Variants in C12orf42 observed in about 807,000 individuals in gnomAD.
C12orf42 encodes chromosome 12 open reading frame 42.
C12orf42 carries 25 observed loss-of-function variants against 21.6 expected under a neutral mutation model. That is an observed-to-expected ratio of 1.16 (90% CI 0.84 to 1.62). The LOEUF (loss-of-function observed/expected upper bound fraction) is 1.62, where lower values mean the gene tolerates loss of function less well. C12orf42 is among the 40% of genes most tolerant of loss of function. The probability of loss-of-function intolerance (pLI) is 0.00; values close to 1 mark genes in which losing one functional copy is unlikely to be tolerated. For missense variants in C12orf42, 483 were observed against 459.3 expected, an observed-to-expected ratio of 1.05 and a Z score of -0.47; for synonymous variants, 174 against 175.0, an observed-to-expected ratio of 0.99 and a Z score of 0.05.
chr12:103,088,969 G>C, the C12orf42 span, among the ~76,000 whole-genome samples: 1 of 152,040 alleles, frequency 6.6e-6, no homozygotes, highest in African/African-American at 2.4e-5. Context: ...CGGGCGTGGT[G>C]GTGGCGCCTG....
the C12orf42 span, among the ~76,000 whole-genome samples, chr12:103,056,247 C>T: frequency 6.6e-6 from 1 of 152,084 alleles, no homozygotes; most frequent in Non-Finnish European, 1.5e-5. Flanking sequence ...TTTAGGCTTG[C>T]TATGCCATCT....
At chr12:103,394,977 A>C (rs2047392919) in intron 3 of C12orf42, among the ~76,000 whole-genome samples, 1 of 152,264 alleles carries the variant, frequency 6.6e-6, no homozygotes, top group Non-Finnish European at 1.5e-5. Context: ...GAGTGCCTCC[A>C]GTACCTGCAA....
intron 2 of C12orf42, among the ~76,000 whole-genome samples, chr12:103,433,790 C>A (rs561429862): frequency 1.3e-5 from 2 of 152,214 alleles, no homozygotes; most frequent in Non-Finnish European, 2.9e-5. Flanking sequence ...ATGTTTGAGA[C>A]AATCTTGGAA....
chr12:103,427,733 A>G (rs1481042979), intron 2 of C12orf42, among the ~76,000 whole-genome samples: 2 of 152,204 alleles, frequency 1.3e-5, no homozygotes, highest in Non-Finnish European at 2.9e-5. Flanking sequence ...TGGAAGTAAA[A>G]CACTCTTCAG....
At chr12:103,349,428 A>G (rs1325387656) in intron 4 of C12orf42, 1 of 152,204 alleles carries the variant, frequency 6.6e-6, no homozygotes, top group Non-Finnish European at 1.5e-5. Flanking sequence ...TAGAAAGAGT[A>G]ACTGAAATCC....
At chr12:103,109,858 T>C in the C12orf42 span, among the ~76,000 whole-genome samples, 102 of 152,144 alleles carry the variant, frequency 6.7e-4, no homozygotes, top group African/African-American at 2.4e-3. Flanking sequence ...AACAAACAAT[T>C]CCTCCCACTC....
chr12:103,248,661 T>C (rs2034131631), intron 10 of C12orf42, among the ~76,000 whole-genome samples: 1 of 152,198 alleles, frequency 6.6e-6, no homozygotes, highest in South Asian at 2.1e-4. Context: ...AGTGAATTTG[T>C]AGTTTTTTGA....
At chr12:103,212,410 A>G in the C12orf42 span, among the ~76,000 whole-genome samples, 2 of 152,182 alleles carry the variant, frequency 1.3e-5, no homozygotes, top group Admixed American at 6.5e-5. Flanking sequence ...TTGAAGAAAC[A>G]GGTTATTTGT....
the C12orf42 span, among the ~76,000 whole-genome samples, chr12:103,530,160 A>T: frequency 2.0e-5 from 3 of 152,212 alleles, no homozygotes; most frequent in Non-Finnish European, 2.9e-5. Context: ...ACTTTTTTAG[A>T]GATTCCTCTG....
chr12:103,469,404 T>C (rs1036004779), intron 2 of C12orf42, among the ~76,000 whole-genome samples: 3 of 152,224 alleles, frequency 2.0e-5, no homozygotes, highest in African/African-American at 7.2e-5. Context: ...GCACCAATAA[T>C]TGTATCTAGA....
the C12orf42 span, among the ~76,000 whole-genome samples, chr12:103,158,190 T>C: frequency 1.3e-5 from 2 of 152,206 alleles, no homozygotes; most frequent in African/African-American, 4.8e-5. Context: ...ATGAGATGAA[T>C]TTTGTTATTT....
intron 1 of C12orf42, among the ~76,000 whole-genome samples, chr12:103,485,682 C>T (rs557616683): frequency 1.3e-5 from 2 of 152,096 alleles, no homozygotes; most frequent in African/African-American, 2.4e-5. Context: ...CAAAGAGGTC[C>T]TTCACATCCC....
the C12orf42 span, among the ~76,000 whole-genome samples, chr12:103,515,926 T>C: frequency 6.6e-6 from 1 of 152,220 alleles, no homozygotes; most frequent in Non-Finnish European, 1.5e-5. Context: ...AATATATTTG[T>C]ACTCTAGCTA....
chr12:103,350,192 A>G lies in C12orf42; in HGVS notation c.259+18695T>C, dbSNP rs1443675951. Reference sequence around the variant, plus strand: ...GTTTCAGTTATCCACACTCAACCACAGTCTGAAAATATTAAATGGAAAATT... The same window carrying G: ...GTTTCAGTTATCCACACTCAACCACGGTCTGAAAATATTAAATGGAAAATT... On this transcript the variant is annotated intron_variant, in intron 4 of 5. Coordinates refer to ENST00000548883, the MANE Select transcript of C12orf42 (RefSeq NM_198521.5). Among the ~76,000 whole-genome samples the G allele has an allele frequency of 5.3e-5, 8 of 152,320 alleles. No homozygotes were observed. In the East Asian group the frequency reaches 1.5e-3, roughly 29 times the overall value.
chr12:103,499,529 A>G (rs1955665987), upstream of C12orf42, among the ~76,000 whole-genome samples: 1 of 152,216 alleles, frequency 6.6e-6, no homozygotes, highest in African/African-American at 2.4e-5. Flanking sequence ...GAGAAGAGAA[A>G]GGAAGATGGC....
the C12orf42 span, among the ~76,000 whole-genome samples, chr12:103,107,030 A>G: frequency 1.3e-5 from 2 of 152,006 alleles, no homozygotes; most frequent in African/African-American, 4.8e-5. Context: ...ACAAAGAATT[A>G]TTAAGAATAG....
At chr12:103,435,902 G>T (rs1053697393) in intron 2 of C12orf42, among the ~76,000 whole-genome samples, 1 of 150,312 alleles carries the variant, frequency 6.7e-6, no homozygotes, top group South Asian at 2.1e-4. Context: ...TACAGAGAAC[G>T]CCACAAAGAT....
chr12:103,540,938 C>G, the C12orf42 span, among the ~76,000 whole-genome samples: 2 of 152,038 alleles, frequency 1.3e-5, no homozygotes, highest in African/African-American at 4.8e-5. Context: ...AAGTCCTGCT[C>G]TATTGCCTAG....
chr12:103,292,416 T>A (rs1234590254), intron 4 of C12orf42, among the ~76,000 whole-genome samples: 1 of 152,040 alleles, frequency 6.6e-6, no homozygotes, highest in African/African-American at 2.4e-5. Context: ...TCAAAATAAA[T>A]AAATAATTAA....
Sources: gnomAD v4.1 joint callset for allele counts (sites outside exome capture counted in the v4.1 genomes callset) on GRCh38, gnomAD v4.1.1 for gene constraint, MANE v1.5 for transcripts, NCBI Gene and HGNC (gene_info 2026-07-23, HGNC 2026-07-21) for gene names.